The following BCR variants were observed in gnomAD, a reference collection of about 807,000 sequenced individuals.
BCR encodes BCR activator of RhoGEF and GTPase.
In BCR, 58 loss-of-function variants were observed where a neutral mutation model predicts 138.6. The ratio of observed to expected loss-of-function variants is 0.42; its 90% CI spans 0.34 to 0.52. The LOEUF is 0.52. Ranked by LOEUF, BCR falls within the 20% of genes least tolerant of loss-of-function variation. The pLI, the probability that BCR is intolerant of heterozygous loss-of-function variation, is 0.06. For synonymous variants in BCR, 786 were observed against 730.1 expected (o/e 1.08, Z -1.23); for missense variants, 1,599 against 1,727.2 (o/e 0.93, Z 1.32).
chr22:23,277,511 C>A (rs1052908405), intron 8 of BCR, among the ~76,000 whole-genome samples: 8 of 151,918 alleles, frequency 5.3e-5, no homozygotes, highest in Admixed American at 4.6e-4. Context: ...TACCCCATCC[C>A]CTGCTGCTGC....
intron 1 of BCR, among the ~76,000 whole-genome samples, chr22:23,247,473 C>T (rs117137906): frequency 0.023 from 3,465 of 152,276 alleles, 63 homozygotes; most frequent in Non-Finnish European, 0.027. Flanking sequence ...GGGCCCTTTA[C>T]AGCCGCTCTC....
chr22:23,264,174 G>A (rs2073408541), intron 4 of BCR: 2 of 1,379,016 alleles, frequency 1.5e-6, no homozygotes, highest in Admixed American at 3.4e-5. Flanking sequence ...CCACTTGCTT[G>A]CCACAGGTTC....
At chr22:23,292,457 C>G in intron 14 of BCR, 84 bp from the exon 15 acceptor site, 4 of 969,480 alleles carry the variant, frequency 4.1e-6, no homozygotes, top group Middle Eastern at 2.2e-4. Context: ...TTTTCTGATT[C>G]TGCAAATAAC....
Position 23,315,711 on chromosome 22 carries a change from C to T in BCR, c.*189C>T. The T allele has an allele frequency of 2.9e-6, 2 of 685,214 alleles. No individual in the cohort carries two copies. Among genetic ancestry groups the T allele is most frequent in the Non-Finnish European group, 5.3e-6 (2 of 379,002 alleles). The allele number at this position is 685,214 out of a possible 1,614,324, so 42.4% of individuals were successfully genotyped here. On this transcript the variant is annotated 3_prime_UTR_variant, in exon 23 of 23. Transcript: ENST00000305877. ...GAAAGATCCCGCCCAGGTCTGGGAG[C>T]CCCAGGCTGGCCTCAGACTGTGGTT...
In BCR at chr22:23,261,389, C is replaced by T; in HGVS notation, c.1601C>T (p.Ser534Phe). Residue 534 changes from serine to phenylalanine, a missense_variant, in exon 4 of 23, where the codon TCT (serine) becomes TTT (phenylalanine). This residue lies in a region of BCR where 590 missense variants were observed against 762.4 expected (regional missense o/e 0.77). Transcript: ENST00000305877. The stretch of plus-strand genomic sequence containing the variant: ...CCTTTGAAAGCCGCTGCCACCACCT[C>T]TCAGCCGGTGCTGACGAGTCAGCAG... ...MKPLKAAATT[S>F]QPVLTSQQIE... The T allele has an allele frequency of 6.2e-7, 1 of 1,613,668 alleles. No homozygotes were observed. Among genetic ancestry groups the T allele is most frequent in the Non-Finnish European group, 8.5e-7 (1 of 1,179,864 alleles).
At chr22:23,188,880 T>G (rs1272832911) in intron 1 of BCR, among the ~76,000 whole-genome samples, 1 of 152,334 alleles carries the variant, frequency 6.6e-6, no homozygotes, top group South Asian at 2.1e-4. Context: ...ATTTTTTATT[T>G]TTTCAAGACG....
intron 1 of BCR, among the ~76,000 whole-genome samples, chr22:23,251,574 C>T (rs1236067715): frequency 6.6e-6 from 1 of 152,242 alleles, no homozygotes; most frequent in Non-Finnish European, 1.5e-5. Flanking sequence ...CGGCCTTCCA[C>T]GTGGAAAGGA....
chr22:23,269,447 T>A (rs1475951061), intron 5 of BCR, among the ~76,000 whole-genome samples: 1 of 151,928 alleles, frequency 6.6e-6, no homozygotes, highest in East Asian at 1.9e-4. Flanking sequence ...AAATAGGGAG[T>A]GAATGCGGTC....
In BCR at chr22:23,285,215, G is replaced by T; in HGVS notation, c.2406+14G>T. 1 of 1,606,370 alleles carries T rather than the reference G, an allele frequency of 6.2e-7. No individual in the cohort carries two copies. ...CAGAGAGAGAAGGTGCACACCAGGG[G>T]AGCAAGGGCCGGGTTTGGTGTGGTC... On this transcript the variant is annotated intron_variant, in intron 10 of 22. Coordinates refer to ENST00000305877, the MANE Select transcript of BCR (RefSeq NM_004327.4).
intron 4 of BCR, chr22:23,262,989 G>A (rs1056003388): frequency 6.7e-5 from 59 of 883,338 alleles, no homozygotes; most frequent in Non-Finnish European, 8.5e-5. Flanking sequence ...TGAGGGGAGC[G>A]TAGGGGCCGG....
chr22:23,243,788 G>A (rs898467233), intron 1 of BCR, among the ~76,000 whole-genome samples: 6 of 151,768 alleles, frequency 4.0e-5, no homozygotes, highest in Middle Eastern at 3.2e-3. Context: ...GACTATAGGC[G>A]CCTGCCACCA....
At chr22:23,221,780 G>A (rs1240673264) in intron 1 of BCR, among the ~76,000 whole-genome samples, 1 of 152,104 alleles carries the variant, frequency 6.6e-6, no homozygotes, top group African/African-American at 2.4e-5. Flanking sequence ...CGGGAGGGTG[G>A]GGTTGTCTTT....
intron 1 of BCR, among the ~76,000 whole-genome samples, chr22:23,196,390 G>C (rs1374572254): frequency 6.6e-6 from 1 of 152,186 alleles, no homozygotes; most frequent in Non-Finnish European, 1.5e-5. Flanking sequence ...ATCAGTGCCA[G>C]GGGCTGTGCG....
At chr22:23,248,987 CAA>C (rs1194039734) in intron 1 of BCR, among the ~76,000 whole-genome samples, 2 of 152,174 alleles carry the variant, frequency 1.3e-5, no homozygotes, top group East Asian at 3.8e-4. Context: ...ACTTTATCCT[CAA>C]GAGGAAAGGG....
chr22:23,273,879 C>G, intron 8 of BCR, 105 bp downstream of exon 8: 1 of 1,494,372 alleles, frequency 6.7e-7, no homozygotes, highest in Non-Finnish European at 9.2e-7. Flanking sequence ...CTCAGCAGAC[C>G]TTGCCTTCTG....
chr22:23,297,852 T>C (rs1451123234), intron 16 of BCR, among the ~76,000 whole-genome samples: 1 of 152,140 alleles, frequency 6.6e-6, no homozygotes. Context: ...ATAGGCCTCT[T>C]CCTGTGTTAT....
intron 1 of BCR, chr22:23,242,883 G>T (rs150238191): frequency 1.1e-5 from 5 of 455,818 alleles, no homozygotes; most frequent in East Asian, 1.4e-4. Context: ...GGCTCTAGGG[G>T]AGGATCCTTC....
rs758117008 is a variant in BCR at position 23,218,079 on chromosome 22, C to T, written c.1280-35720C>T. On this transcript the variant is annotated intron_variant, in intron 1 of 22. Transcript: ENST00000305877. ...CTGACCAGAGGAATCCTTCCCCTGT[C>T]GCATTGGCATCCCTCCCCTCACTGT... 6.9e-4 allele frequency among the ~76,000 whole-genome samples: 105 copies of T among 152,344 alleles called. 1 individual carries two copies. Among genetic ancestry groups the T allele is most frequent in the African/African-American group, 2.5e-3 (105 of 41,584 alleles).
chr22:23,251,704 A>G (rs950861245), intron 1 of BCR, among the ~76,000 whole-genome samples: 1 of 152,246 alleles, frequency 6.6e-6, no homozygotes, highest in Non-Finnish European at 1.5e-5. Context: ...AATGAACACC[A>G]AGGTCACCTC....
Sources: allele counts gnomAD v4.1 joint callset (sites outside exome capture counted in the v4.1 genomes callset), GRCh38; gene constraint gnomAD v4.1.1; regional missense constraint gnomAD v4.1.1; transcripts MANE v1.5; gene names NCBI Gene and HGNC (gene_info 2026-07-23, HGNC 2026-07-21).